ENPP1: variants seen among roughly 807,000 people sequenced by gnomAD.
The protein encoded by ENPP1 is ectonucleotide pyrophosphatase/phosphodiesterase family member 1.
In ENPP1, 73 loss-of-function variants were observed where a neutral mutation model predicts 122.8. The ratio of observed to expected loss-of-function variants is 0.59; its 90% CI spans 0.49 to 0.72. The LOEUF is 0.72. Among genes scored for constraint, ENPP1 ranks in the 30% least tolerant of loss-of-function variants. ENPP1 has a pLI of 0.00. For synonymous variants in ENPP1, 367 were observed against 391.6 expected (o/e 0.94, Z 0.74); for missense variants, 978 against 1,128.1 (o/e 0.87, Z 1.91).
chr6:131,839,073 A>G (rs192601112), intron 1 of ENPP1, among the ~76,000 whole-genome samples: 1 of 152,128 alleles, frequency 6.6e-6, no homozygotes, highest in African/African-American at 2.4e-5. Context: ...CCATCCTTAC[A>G]GCCTAGTTTA....
intron 20 of ENPP1, among the ~76,000 whole-genome samples, chr6:131,880,542 G>A (rs1782290554): frequency 6.6e-6 from 1 of 151,516 alleles, no homozygotes; most frequent in Non-Finnish European, 1.5e-5. Context: ...ACTCTAGCCT[G>A]GGTGACAGAG....
At chr6:131,887,824 C>CA (rs1330003009) in intron 24 of ENPP1, among the ~76,000 whole-genome samples, 2 of 148,094 alleles carry the variant, frequency 1.4e-5, no homozygotes, top group African/African-American at 5.0e-5. Flanking sequence ...CTTGTCCTTC[C>CA]AAAATGCTGG....
intron 14 of ENPP1, among the ~76,000 whole-genome samples, 165 bp from the exon 15 acceptor site, chr6:131,872,757 GA>G (rs900344885): frequency 6.6e-6 from 1 of 151,586 alleles, no homozygotes; most frequent in Non-Finnish European, 1.5e-5. Context: ...AAATGTTTGT[GA>G]AAAAAAATTT....
At position 131,858,714 on chromosome 6, in the gene ENPP1, A is replaced by G; in HGVS notation, c.762A>G (p.Thr254=). The G allele has an allele frequency of 6.2e-7, 1 of 1,612,686 alleles. No homozygotes were observed. Among genetic ancestry groups the G allele is most frequent in the East Asian group, 2.2e-5 (1 of 44,802 alleles). ...YTKNMRPVYP[T]KTFPNHYSIV... ...AAAACATGAGACCGGTATATCCAAC[A>G]AAAACTTTCCCCAATCACTACAGCA... The change falls in exon 7 of 25, where the codon ACA becomes ACG. Residue 254 remains threonine (T), a synonymous_variant. Transcript: ENST00000647893.
chr6:131,859,602 G>GGGACTGAACAAAGT (rs56314915), intron 7 of ENPP1, among the ~76,000 whole-genome samples: 8 of 151,332 alleles, frequency 5.3e-5, no homozygotes, highest in Non-Finnish European at 1.2e-4. Context: ...CCGGACCTAG[G>GGGACTGAACAAAGT]GGCGGATGGG....
chr6:131,826,885 T>A, intron 1 of ENPP1: 2 of 376,204 alleles, frequency 5.3e-6, no homozygotes, highest in Non-Finnish European at 1.0e-5. Flanking sequence ...AAGATAAGGT[T>A]CCTTCAGATT....
chr6:131,823,098 T>C lies in ENPP1; in HGVS notation c.240+14823T>C, dbSNP rs138645635. Among the ~76,000 whole-genome samples the C allele has an allele frequency of 1.2e-3, 186 of 152,354 alleles. 3 individuals carry two copies. Among genetic ancestry groups the C allele is most frequent in the South Asian group, 2.1e-4 (1 of 4,828 alleles). ...GTAGCAGTGCTGAGTCTGTGACATATGTGTTCAGTCATTTATGAGTTAATA... is the reference window on the plus strand; with the variant it reads ...GTAGCAGTGCTGAGTCTGTGACATACGTGTTCAGTCATTTATGAGTTAATA... On this transcript the variant is annotated intron_variant, in intron 1 of 24. Coordinates refer to ENST00000647893, the MANE Select transcript of ENPP1 (RefSeq NM_006208.3).
chr6:131,856,503 A>G (rs1781947503), intron 6 of ENPP1, among the ~76,000 whole-genome samples: 1 of 147,246 alleles, frequency 6.8e-6, no homozygotes, highest in Non-Finnish European at 1.5e-5. Context: ...ATTAGATCCC[A>G]TTTGTCAATT....
intron 1 of ENPP1, among the ~76,000 whole-genome samples, chr6:131,834,851 G>C (rs747912684): frequency 6.6e-6 from 1 of 152,144 alleles, no homozygotes; most frequent in Non-Finnish European, 1.5e-5. Context: ...GAGCCACCGC[G>C]CCCAGCTGAG....
chr6:131,809,790 A>G (rs1476578051), intron 1 of ENPP1, among the ~76,000 whole-genome samples: 1 of 152,144 alleles, frequency 6.6e-6, no homozygotes, highest in Non-Finnish European at 1.5e-5. Context: ...TTTCTTGCTC[A>G]TTTACTTATA....
chr6:131,808,223 C>T lies in ENPP1; in HGVS notation c.188C>T (p.Ala63Val), dbSNP rs200362492. 1 of 1,514,528 alleles carries T rather than the reference C, an allele frequency of 6.6e-7. No homozygotes were observed. The highest frequency in any genetic ancestry group is 1.2e-5 in the South Asian group (1 of 80,064). 93.8% of individuals were successfully genotyped at this position (1,514,528 alleles called of 1,614,324 possible). ...GTGGGGGAGGAGCCGCTGGAGAAGGCGGCGCGCGCCCGCACTGCCAAGGAC... is the reference window on the plus strand; with the variant it reads ...GTGGGGGAGGAGCCGCTGGAGAAGGTGGCGCGCGCCCGCACTGCCAAGGAC... ...MDVGEEPLEK[A>V]ARARTAKDPN... The change falls in exon 1 of 25, where the codon GCG becomes GTG. Residue 63 changes from alanine to valine, a missense_variant. By Grantham distance (64) the Ala-to-Val change is moderately conservative. Coordinates refer to ENST00000647893, the MANE Select transcript of ENPP1 (RefSeq NM_006208.3).
In ENPP1 at chr6:131,890,370, A is replaced by G; in HGVS notation, c.2637A>G (p.Glu879=). ...GGAAGCATGACTCCTCATGGGTTGA[A>G]GAATTGTTAATGTTACACAGAGCAC... ...VHGKHDSSWV[E]ELLMLHRARI... Residue 879 remains glutamate (E), a synonymous_variant, in exon 25 of 25, where the codon GAA becomes GAG. Coordinates refer to ENST00000647893, the MANE Select transcript of ENPP1 (RefSeq NM_006208.3). 1 of 1,614,082 alleles carries G rather than the reference A, an allele frequency of 6.2e-7. No homozygotes were observed. Among genetic ancestry groups the G allele is most frequent in the Non-Finnish European group, 8.5e-7 (1 of 1,179,898 alleles).
At chr6:131,858,201 C>G (rs556525070) in intron 6 of ENPP1, among the ~76,000 whole-genome samples, 14 of 152,106 alleles carry the variant, frequency 9.2e-5, no homozygotes, top group Non-Finnish European at 2.1e-4. Context: ...CCACAAGATG[C>G]CTTTTGTCTT....
At chr6:131,871,628 T>C (rs1276269130) in intron 13 of ENPP1, among the ~76,000 whole-genome samples, 1 of 152,228 alleles carries the variant, frequency 6.6e-6, no homozygotes, top group Admixed American at 6.5e-5. Flanking sequence ...GAACAAGATG[T>C]ACAAAACAGC....
chr6:131,863,057 T>C (rs1240682477), intron 9 of ENPP1, among the ~76,000 whole-genome samples: 1 of 152,192 alleles, frequency 6.6e-6, no homozygotes, highest in African/African-American at 2.4e-5. Flanking sequence ...CAAGATGGAA[T>C]TGGTTAGGTG....
intron 1 of ENPP1, among the ~76,000 whole-genome samples, chr6:131,837,171 A>ATT (rs1487202366): frequency 1.3e-5 from 1 of 76,304 alleles, no homozygotes; most frequent in East Asian, 3.0e-4. Context: ...TCCTGTTGTC[A>ATT]TTGTGTGTGT....
At chr6:131,829,272 G>A (rs1781582026) in intron 1 of ENPP1, among the ~76,000 whole-genome samples, 1 of 152,212 alleles carries the variant, frequency 6.6e-6, no homozygotes, top group South Asian at 2.1e-4. Context: ...CTTTTCTAAA[G>A]TAATTTAATA....
chr6:131,830,124 A>G lies in ENPP1; in HGVS notation c.241-17652A>G, dbSNP rs547692680. 1.6e-4 allele frequency among the ~76,000 whole-genome samples: 25 copies of G among 152,254 alleles called. 1 individual carries two copies. In the Middle Eastern group the frequency reaches 0.01, roughly 62 times the overall value. ...ATCAGCACCTGTGGAAGGCAAGACA[A>G]GGAATTGGGGTCATACAGAGGATGA... On this transcript the variant is annotated intron_variant, in intron 1 of 24. Coordinates refer to ENST00000647893, the MANE Select transcript of ENPP1 (RefSeq NM_006208.3).
chr6:131,854,897 A>C (rs779649521), intron 5 of ENPP1, 29 bp from the exon 6 acceptor site: 55 of 1,511,618 alleles, frequency 3.6e-5, no homozygotes, highest in Non-Finnish European at 4.7e-5. Flanking sequence ...TGCTTCTTTA[A>C]ACATTTTTTT....
Sources: allele counts gnomAD v4.1 joint callset (sites outside exome capture counted in the v4.1 genomes callset), GRCh38; gene constraint gnomAD v4.1.1; transcripts MANE v1.5; gene names NCBI Gene and HGNC (gene_info 2026-07-23, HGNC 2026-07-21).